AFG1L: variants seen among roughly 807,000 people sequenced by gnomAD.
The protein encoded by AFG1L is AFG1-like ATPase.
A neutral mutation model predicts 62.2 loss-of-function variants in AFG1L; 53 were observed. The observed-to-expected ratio is 0.85, with a 90% confidence interval of 0.68 to 1.07. The LOEUF (loss-of-function observed/expected upper bound fraction) is 1.07, where lower values mean the gene tolerates loss of function less well. Ranked by LOEUF, AFG1L falls within the 50% of genes least tolerant of loss-of-function variation. The pLI is 0.00. For synonymous variants in AFG1L, 228 were observed against 210.3 expected, an observed-to-expected ratio of 1.08 and a Z score of -0.73; for missense variants, 555 against 590.5, an observed-to-expected ratio of 0.94 and a Z score of 0.62.
intron 8 of AFG1L, among the ~76,000 whole-genome samples, chr6:108,475,003 A>G (rs1773053030): frequency 6.6e-6 from 1 of 152,148 alleles, no homozygotes; most frequent in African/African-American, 2.4e-5. Context: ...ATTTTCTTCT[A>G]GGGTTTTTAT....
chr6:108,335,240 G>C (rs1005749827), intron 2 of AFG1L, among the ~76,000 whole-genome samples: 1 of 151,214 alleles, frequency 6.6e-6, no homozygotes, highest in Non-Finnish European at 1.5e-5. Flanking sequence ...GAAAACGTTG[G>C]GATTACAGGT....
chr6:108,433,159 T>A (rs186882054), intron 7 of AFG1L, among the ~76,000 whole-genome samples: 16 of 152,370 alleles, frequency 1.1e-4, no homozygotes, highest in Non-Finnish European at 1.9e-4. Context: ...CTGATTAAAC[T>A]GTTTTATACC....
rs1774791342 is a variant in AFG1L, at chr6:108,514,323, A to G, written c.1203+3971A>G. On this transcript the variant is annotated intron_variant, in intron 11 of 12. Coordinates refer to ENST00000368977, the MANE Select transcript of AFG1L (RefSeq NM_145315.5). The stretch of plus-strand genomic sequence containing the variant: ...CTCTTGGCAGAAACTACAAGCCAGA[A>G]GAGAGTGGGGGCCAATATTCAACAT... 2.0e-5 allele frequency among the ~76,000 whole-genome samples: 3 copies of G among 152,354 alleles called. No individual in the cohort carries two copies. In the East Asian group the frequency reaches 5.8e-4, roughly 29 times the overall value.
intron 2 of AFG1L, among the ~76,000 whole-genome samples, chr6:108,336,190 A>G (rs1235820705): frequency 6.6e-6 from 1 of 152,220 alleles, no homozygotes; most frequent in African/African-American, 2.4e-5. Flanking sequence ...CTATAATGCC[A>G]GTTTTTAAAA....
intron 5 of AFG1L, among the ~76,000 whole-genome samples, chr6:108,362,492 G>C (rs964672541): frequency 6.6e-6 from 1 of 151,964 alleles, no homozygotes; most frequent in African/African-American, 2.4e-5. Context: ...ATTCTATGTA[G>C]CTATACATTA....
At chr6:108,500,611 G>A (rs1446865990) in intron 10 of AFG1L, among the ~76,000 whole-genome samples, 1 of 152,148 alleles carries the variant, frequency 6.6e-6, no homozygotes, top group Admixed American at 6.5e-5. Context: ...GTGAATGCAG[G>A]TGTCTTTTTG....
chr6:108,301,152 A>G (rs1776983452), intron 1 of AFG1L, among the ~76,000 whole-genome samples: 1 of 152,132 alleles, frequency 6.6e-6, no homozygotes, highest in South Asian at 2.1e-4. Context: ...AGTAAGGCCA[A>G]CCAGGGGTCA....
At chr6:108,364,788 A>G (rs1210589354) in intron 5 of AFG1L, among the ~76,000 whole-genome samples, 1 of 151,322 alleles carries the variant, frequency 6.6e-6, no homozygotes, top group Non-Finnish European at 1.5e-5. Context: ...TTTTCATTTA[A>G]TCACCATTTT....
In AFG1L at chr6:108,522,545, T is replaced by C; in HGVS notation, c.*120T>C. The C allele has an allele frequency of 1.8e-6, 2 of 1,110,844 alleles. No individual in the cohort carries two copies. 68.8% of individuals were successfully genotyped at this position (1,110,844 alleles called of 1,614,324 possible). A position where few individuals can be genotyped will look rare whatever the true frequency, so the allele number is the denominator to read the frequency against. On this transcript the variant is annotated 3_prime_UTR_variant, in exon 13 of 13. Transcript: ENST00000368977. Reference sequence around the variant, plus strand: ...ATTATGCACTTTGTCCTCTGGACCATTTTAATCTAAAATTGCTCTCAAGGA... The same window carrying C: ...ATTATGCACTTTGTCCTCTGGACCACTTTAATCTAAAATTGCTCTCAAGGA...
At chr6:108,345,900 G>A (rs1489108429) in intron 2 of AFG1L, among the ~76,000 whole-genome samples, 1 of 152,064 alleles carries the variant, frequency 6.6e-6, no homozygotes, top group African/African-American at 2.4e-5. Context: ...GTGCCTTCTG[G>A]CCTTTTTATC....
At chr6:108,504,947 A>C (rs1027297017) in intron 10 of AFG1L, among the ~76,000 whole-genome samples, 5 of 152,140 alleles carry the variant, frequency 3.3e-5, no homozygotes, top group Admixed American at 2.0e-4. Context: ...TAAGGTCCTG[A>C]GTGGATTTCA....
intron 6 of AFG1L, among the ~76,000 whole-genome samples, chr6:108,385,217 G>T (rs1035932630): frequency 6.6e-6 from 1 of 152,194 alleles, no homozygotes; most frequent in Non-Finnish European, 1.5e-5. Context: ...CCCAAAATCT[G>T]GCCATAAACT....
chr6:108,411,944 A>G (rs1782137689), intron 7 of AFG1L, among the ~76,000 whole-genome samples: 1 of 152,252 alleles, frequency 6.6e-6, no homozygotes, highest in Admixed American at 6.5e-5. Context: ...CCTTCAGACA[A>G]TCGGTAATAA....
At chr6:108,464,782 A>G (rs1275934271) in intron 8 of AFG1L, among the ~76,000 whole-genome samples, 2 of 129,532 alleles carry the variant, frequency 1.5e-5, no homozygotes, top group Non-Finnish European at 3.7e-5. Flanking sequence ...AAAAACAAAA[A>G]ACAAACAAAA....
intron 10 of AFG1L, among the ~76,000 whole-genome samples, chr6:108,489,986 G>A (rs1323295565): frequency 6.6e-6 from 1 of 152,166 alleles, no homozygotes; most frequent in African/African-American, 2.4e-5. Context: ...CAGAGCCAGA[G>A]GACTAGTATA....
Position 108,295,257 on chromosome 6 carries a change from T to A in AFG1L, c.139+39T>A, listed in dbSNP as rs750038490. On this transcript the variant is annotated intron_variant, in intron 1 of 12. Coordinates refer to ENST00000368977, the MANE Select transcript of AFG1L (RefSeq NM_145315.5). ...CCATGAGTAGTCCGAGCCGACTGCA[T>A]ATGACTGGAGAAGCCTCTGGGATTA... 4 of 1,571,612 alleles carry A rather than the reference T, an allele frequency of 2.5e-6. No individual in the cohort carries two copies. In the South Asian group the frequency reaches 4.6e-5, roughly 18 times the overall value.
chr6:108,325,029 C>T (rs905312880), intron 2 of AFG1L, among the ~76,000 whole-genome samples: 2 of 152,092 alleles, frequency 1.3e-5, no homozygotes, highest in Non-Finnish European at 2.9e-5. Context: ...TTATGGTGTC[C>T]GTGCAGGCCA....
chr6:108,458,442 A>C (rs748605953), intron 8 of AFG1L, among the ~76,000 whole-genome samples: 1 of 151,774 alleles, frequency 6.6e-6, no homozygotes. Context: ...TAGAGGTGGC[A>C]TTTTTCCTTT....
At position 108,366,302 on chromosome 6, in the gene AFG1L, G is replaced by C. The variant is rs541941503; in HGVS notation, c.718G>C (p.Val240Leu). 53 of 1,611,806 alleles carry C rather than the reference G, an allele frequency of 3.3e-5. No homozygotes were observed. The highest frequency in any genetic ancestry group is 4.3e-5 in the Non-Finnish European group (51 of 1,178,546). The change falls in exon 6 of 13, where the codon GTT becomes CTT. Residue 240 changes from valine to leucine, a missense_variant. Val to Leu is a conservative substitution (Grantham distance 32). Coordinates refer to ENST00000368977, the MANE Select transcript of AFG1L (RefSeq NM_145315.5). Reference sequence around the variant, plus strand: ...AAATCTGTTCAAAAACGGGGTCGTCGTTGTGGCAACATCCAACAGGCCACC... The same window carrying C: ...AAATCTGTTCAAAAACGGGGTCGTCCTTGTGGCAACATCCAACAGGCCACC... ...FENLFKNGVV[V>L]VATSNRPPED...
Sources: allele counts gnomAD v4.1 joint callset (sites outside exome capture counted in the v4.1 genomes callset), GRCh38; gene constraint gnomAD v4.1.1; transcripts MANE v1.5; gene names NCBI Gene and HGNC (gene_info 2026-07-23, HGNC 2026-07-21).